The following SORBS2 variants were observed in gnomAD, a reference collection of about 807,000 sequenced individuals.
SORBS2 encodes the protein sorbin and SH3 domain-containing protein 2.
SORBS2 carries 46 observed loss-of-function variants against 97.7 expected under a neutral mutation model. That is an observed-to-expected ratio of 0.47 (90% confidence interval 0.37 to 0.60). SORBS2 has a LOEUF of 0.60. Ranked by LOEUF, SORBS2 falls within the 20% of genes least tolerant of loss-of-function variation. The pLI is 0.00. For missense variants in SORBS2, 1,316 were observed against 1,282.3 expected (o/e 1.03, Z -0.40); for synonymous variants, 476 against 473.4 (o/e 1.01, Z -0.07).
At chr4:185,685,389 G>A (rs905802539) in intron 2 of SORBS2, among the ~76,000 whole-genome samples, 1 of 152,144 alleles carries the variant, frequency 6.6e-6, no homozygotes, top group Non-Finnish European at 1.5e-5. Context: ...GATTCATAGA[G>A]GAACACATGG....
intron 1 of SORBS2, among the ~76,000 whole-genome samples, chr4:185,915,552 T>C (rs1358623552): frequency 6.6e-6 from 1 of 152,218 alleles, no homozygotes; most frequent in Non-Finnish European, 1.5e-5. Flanking sequence ...GTTTGACATC[T>C]ATTTTTCTGC....
chr4:185,635,344 C>A lies in SORBS2; in HGVS notation c.397-4746G>T, dbSNP rs368463075. The A allele has an allele frequency of 6.3e-7, 1 of 1,592,776 alleles. No homozygotes were observed. Among genetic ancestry groups the A allele is most frequent in the Non-Finnish European group, 8.6e-7 (1 of 1,160,968 alleles). On this transcript the variant is annotated intron_variant, in intron 4 of 14. Coordinates refer to ENST00000418609, the Ensembl canonical transcript of SORBS2. ...GAGATATCTGAAAAAGAGAGAATAA[C>A]GTGTTTTTACCTCATTGAAAACACC...
At chr4:185,940,358 T>C (rs2099271300) in intron 1 of SORBS2, among the ~76,000 whole-genome samples, 1 of 152,108 alleles carries the variant, frequency 6.6e-6, no homozygotes, top group African/African-American at 2.4e-5. Context: ...TAAATGTGCT[T>C]TTCCCTTTTT....
intron 4 of SORBS2, among the ~76,000 whole-genome samples, chr4:185,631,536 G>GT (rs955561565): frequency 2.6e-5 from 4 of 152,172 alleles, no homozygotes; most frequent in African/African-American, 9.7e-5. Flanking sequence ...GCCAACGCGG[G>GT]TGGATCACCT....
intron 2 of SORBS2, among the ~76,000 whole-genome samples, chr4:185,761,140 C>T (rs965931249): frequency 2.0e-5 from 3 of 152,090 alleles, no homozygotes; most frequent in Non-Finnish European, 2.9e-5. Flanking sequence ...CCTTCCATGC[C>T]CCAAAGCAAA....
intron 1 of SORBS2, among the ~76,000 whole-genome samples, chr4:185,807,038 G>A (rs2099159908): frequency 6.6e-6 from 1 of 152,006 alleles, no homozygotes; most frequent in Non-Finnish European, 1.5e-5. Context: ...TAACCACTGG[G>A]AAAACATCTC....
At position 185,607,169 on chromosome 4, in the gene SORBS2, GCTTCTC is replaced by G; in HGVS notation, c.2796+4605_2796+4610del. 3.6e-6 allele frequency: 4 copies of G among 1,121,318 alleles called. No individual in the cohort carries two copies. In the South Asian group the frequency reaches 7.8e-5, roughly 22 times the overall value. 69.5% of individuals were successfully genotyped at this position (1,121,318 alleles called of 1,614,324 possible). ...TCAGCTGACAAGGTTAAAGCACCAA[GCTTCTC>G]CAATTCACCCAAGAAGTTGTCCAGG... On this transcript the variant is annotated intron_variant, in intron 12 of 14. Transcript: ENST00000418609. This position sits in a 1 kb window ranked among gnomAD's most constrained non-coding sequence, Gnocchi z 5.2.
chr4:185,873,576 T>C (rs917376050), intron 1 of SORBS2, among the ~76,000 whole-genome samples: 2 of 152,226 alleles, frequency 1.3e-5, no homozygotes, highest in Non-Finnish European at 2.9e-5. Context: ...CTATTTTTCT[T>C]TGCTGCTAAG....
intron 1 of SORBS2, among the ~76,000 whole-genome samples, chr4:185,939,425 C>T (rs1479317400): frequency 1.3e-5 from 2 of 152,210 alleles, no homozygotes; most frequent in South Asian, 2.1e-4. Context: ...GTTCTTTGGC[C>T]CACGTCCCTC....
At chr4:185,656,520 A>G in intron 1 of SORBS2, 1 of 778,400 alleles carries the variant, frequency 1.3e-6, no homozygotes, top group Non-Finnish European at 2.0e-6. Context: ...TCTGCATTCC[A>G]GGGGAGCAGC....
At chr4:185,599,390 G>A (rs1274997263) in intron 12 of SORBS2, among the ~76,000 whole-genome samples, 2 of 152,204 alleles carry the variant, frequency 1.3e-5, no homozygotes, top group Non-Finnish European at 2.9e-5. Context: ...ACTATGGAAC[G>A]AAGTAGCTAA....
chr4:185,854,452 A>G (rs1161692113), intron 1 of SORBS2, among the ~76,000 whole-genome samples: 1 of 152,184 alleles, frequency 6.6e-6, no homozygotes, highest in East Asian at 1.9e-4. Context: ...GGAACGGCAG[A>G]TGTCTGAAGC....
At chr4:185,657,873 C>A (rs1169694180), upstream of SORBS2, among the ~76,000 whole-genome samples, 1 of 152,088 alleles carries the variant, frequency 6.6e-6, no homozygotes, top group Admixed American at 6.5e-5. Flanking sequence ...TTAGGAAGTG[C>A]TCTAAATGCA....
chr4:185,711,499 C>T (rs2098420273), intron 2 of SORBS2, among the ~76,000 whole-genome samples: 1 of 152,166 alleles, frequency 6.6e-6, no homozygotes, highest in Non-Finnish European at 1.5e-5. Context: ...CAGCAACAGC[C>T]AGGTGAGTTC....
intron 1 of SORBS2, among the ~76,000 whole-genome samples, chr4:185,947,906 C>A (rs1430525888): frequency 6.7e-6 from 1 of 150,126 alleles, no homozygotes; most frequent in Non-Finnish European, 1.5e-5. Flanking sequence ...CCACTACGCC[C>A]CGCCCTCTTG....
chr4:185,604,110 C>T (rs186925393), intron 12 of SORBS2, among the ~76,000 whole-genome samples: 38 of 152,316 alleles, frequency 2.5e-4, no homozygotes, highest in African/African-American at 8.2e-4. Flanking sequence ...CTCATCATTA[C>T]TTCTTATTAT....
intron 1 of SORBS2, among the ~76,000 whole-genome samples, chr4:185,788,107 C>A (rs956145351): frequency 6.6e-6 from 1 of 152,224 alleles, no homozygotes; most frequent in African/African-American, 2.4e-5. Context: ...GCTGCTCCAG[C>A]GCCAGCTGCT....
chr4:185,678,728 G>A, intron 3 of SORBS2, 68 bp downstream of exon 6: 6 of 1,194,598 alleles, frequency 5.0e-6, no homozygotes, highest in Non-Finnish European at 7.0e-6. Context: ...AGTCAGCGAT[G>A]TGGCTATGAA....
At chr4:185,942,381 C>T (rs1031832039) in intron 1 of SORBS2, among the ~76,000 whole-genome samples, 3 of 150,808 alleles carry the variant, frequency 2.0e-5, no homozygotes, top group African/African-American at 4.9e-5. Context: ...GTTGGAACCT[C>T]ACTTTGTCAC....
Sources: gnomAD v4.1 joint callset for allele counts (sites outside exome capture counted in the v4.1 genomes callset) on GRCh38, gnomAD v4.1.1 for gene constraint, Gnocchi (gnomAD v3.1) non-coding constraint, MANE v1.5 for transcripts, NCBI Gene and HGNC (gene_info 2026-07-23, HGNC 2026-07-21) for gene names.